Variants in BPTF observed in about 807,000 individuals in gnomAD.
The protein encoded by BPTF is bromodomain PHD finger transcription factor.
Under a neutral mutation model 292.5 loss-of-function variants are expected in BPTF, and 18 were observed. The observed-to-expected ratio is 0.06, with a 90% CI of 0.04 to 0.09. The LOEUF (loss-of-function observed/expected upper bound fraction) is 0.09. Ranked by LOEUF, BPTF falls within the 10% of genes least tolerant of loss-of-function variation. The pLI is 1.00. For synonymous variants in BPTF, 1,225 were observed against 1,251.9 expected (o/e 0.98, Z 0.45); for missense variants, 2,726 against 3,498.7 (o/e 0.78, Z 5.57).
chr17:67,839,156 ATTGC>A (rs1567870151), intron 1 of BPTF, among the ~76,000 whole-genome samples: 191 of 152,208 alleles, frequency 1.3e-3, no homozygotes, highest in African/African-American at 4.5e-3. Flanking sequence ...AAAGAAACAA[ATTGC>A]ATTGTGTACC....
intron 15 of BPTF, among the ~76,000 whole-genome samples, chr17:67,926,992 A>G (rs1005961588): frequency 3.0e-4 from 45 of 151,768 alleles, no homozygotes; most frequent in Non-Finnish European, 4.9e-4. Flanking sequence ...TTTTCTTCTG[A>G]GGAATGAGAA....
intron 26 of BPTF, among the ~76,000 whole-genome samples, chr17:67,968,299 TGA>T: frequency 6.6e-6 from 1 of 151,318 alleles, no homozygotes; most frequent in South Asian, 2.1e-4. Context: ...AAACTATCTC[TGA>T]AAAATAAACG....
intron 14 of BPTF, among the ~76,000 whole-genome samples, chr17:67,923,782 C>T (rs569567103): frequency 2.3e-4 from 35 of 150,530 alleles, no homozygotes; most frequent in African/African-American, 8.5e-4. Flanking sequence ...GCCCGGCCCT[C>T]TCTCTTATTT....
chr17:67,923,058 T>TAC, intron 14 of BPTF, 68 bp downstream of exon 14: 48 of 718,044 alleles, frequency 6.7e-5, no homozygotes, highest in South Asian at 2.0e-4. Flanking sequence ...ATAAATTACT[T>TAC]TTTTTTTTTT....
intron 1 of BPTF, among the ~76,000 whole-genome samples, chr17:67,842,092 C>T (rs1020517030): frequency 3.3e-5 from 5 of 151,962 alleles, no homozygotes; most frequent in African/African-American, 1.2e-4. Flanking sequence ...TCTAGCGCCC[C>T]TCCCTTATGT....
In BPTF at chr17:67,940,571, A is replaced by T. The variant is rs2065284228; in HGVS notation, c.6392A>T (p.Gln2131Leu). The T allele has an allele frequency of 6.2e-7, 1 of 1,614,142 alleles. No homozygotes were observed. Among genetic ancestry groups the T allele is most frequent in the Non-Finnish European group, 8.5e-7 (1 of 1,180,018 alleles). The change falls in exon 19 of 28, where the codon CAG becomes CTG. Residue 2131 changes from glutamine (Q) to leucine (L), a missense_variant. Physicochemically the swap from Gln to Leu is moderately radical, Grantham distance 113 (BLOSUM62 -2). Coordinates refer to ENST00000306378, the MANE Select transcript of BPTF (RefSeq NM_182641.4). The stretch of plus-strand genomic sequence containing the variant: ...TCAGCAACGTCCACTTCAAATATAC[A>T]GTCTTCAGCCTCACAACCCCCTCGC... ...LTSATSTSNI[Q>L]SSASQPPRPQ...
At chr17:67,873,450 C>T (rs1315888245) in intron 3 of BPTF, among the ~76,000 whole-genome samples, 1 of 147,504 alleles carries the variant, frequency 6.8e-6, no homozygotes, top group Non-Finnish European at 1.5e-5. Context: ...AAGAGCAAAA[C>T]TCCATCTCAA....
intron 3 of BPTF, among the ~76,000 whole-genome samples, chr17:67,869,572 A>G (rs2059583683): frequency 6.6e-6 from 1 of 152,194 alleles, no homozygotes; most frequent in African/African-American, 2.4e-5. Flanking sequence ...TTATCATTAA[A>G]AAATAACCAA....
Position 67,912,527 on chromosome 17 carries a change from C to A in BPTF, c.4643C>A (p.Pro1548His). 1 of 1,613,964 alleles carries A rather than the reference C, an allele frequency of 6.2e-7. No individual in the cohort carries two copies. The highest frequency in any genetic ancestry group is 1.3e-5 in the African/African-American group (1 of 75,038). ...GAAGTTAAGAAAGTTACTTCATCAC[C>A]TATTACTTCTGAAGAGGAATCTAAT... ...TSEVKKVTSS[P>H]ITSEEESNLS... Residue 1548 changes from proline to histidine, a missense_variant, in exon 11 of 28, where the codon CCT (proline) becomes CAT (histidine). By Grantham distance (77) the Pro-to-His change is moderately conservative. Coordinates refer to ENST00000306378, the MANE Select transcript of BPTF (RefSeq NM_182641.4).
rs1255246805 is a variant in BPTF, at chr17:67,837,213, CTT to C, written c.613+10880_613+10881del. ...ACTAGTCCTATTGAGAATTCAGGCTCTTTTTGCGTTTACAGACAGTGCTGTCC... is the reference window on the plus strand; with the variant it reads ...ACTAGTCCTATTGAGAATTCAGGCTCTTTGCGTTTACAGACAGTGCTGTCC... On this transcript the variant is annotated intron_variant, in intron 1 of 27. Coordinates refer to ENST00000306378, the MANE Select transcript of BPTF (RefSeq NM_182641.4). Among the ~76,000 whole-genome samples the C allele has an allele frequency of 3.9e-5, 6 of 152,248 alleles. 1 individual carries two copies. The highest frequency in any genetic ancestry group is 1.4e-4 in the African/African-American group (6 of 41,538).
At chr17:67,827,257 T>C (rs1184697724) in intron 1 of BPTF, among the ~76,000 whole-genome samples, 1 of 152,158 alleles carries the variant, frequency 6.6e-6, no homozygotes, top group Non-Finnish European at 1.5e-5. Flanking sequence ...GGCATCAGTA[T>C]CAGATTTATT....
intron 27 of BPTF, chr17:67,981,395 A>C (rs1555696577): frequency 1.1e-6 from 1 of 927,274 alleles, no homozygotes; most frequent in African/African-American, 1.8e-5. Flanking sequence ...CTTTGTTATA[A>C]TTCATCATTT....
At position 67,980,672 on chromosome 17, in the gene BPTF, C is replaced by T. The variant is rs555409613; in HGVS notation, c.8727-1580C>T. On this transcript the variant is annotated intron_variant, in intron 27 of 27. Coordinates refer to ENST00000306378, the MANE Select transcript of BPTF (RefSeq NM_182641.4). ...GGAAATTGCCTGGAGGTCCTGGGGA[C>T]TGTAGGCAAGACAAAGGGAATTGGT... 4.6e-5 allele frequency among the ~76,000 whole-genome samples: 7 copies of T among 152,230 alleles called. No homozygotes were observed. In the South Asian group the frequency reaches 1.0e-3, roughly 23 times the overall value.
chr17:67,892,620 T>C (rs577332444), intron 5 of BPTF, among the ~76,000 whole-genome samples: 1 of 152,040 alleles, frequency 6.6e-6, no homozygotes, highest in Non-Finnish European at 1.5e-5. Context: ...AGGGTAGATA[T>C]GCAAGAATAA....
In BPTF at chr17:67,918,806, A is replaced by G. The variant is rs1464281868; in HGVS notation, c.5396A>G (p.Lys1799Arg). The G allele has an allele frequency of 9.9e-6, 16 of 1,613,642 alleles. No homozygotes were observed. The Admixed American group carries it at 1.3e-4, about 13-fold the overall frequency. Residue 1799 changes from lysine to arginine, a missense_variant, in exon 12 of 28, where the codon AAG becomes AGG. By Grantham distance (26) the Lys-to-Arg change is conservative. Coordinates refer to ENST00000306378, the MANE Select transcript of BPTF (RefSeq NM_182641.4). ...TTGAGATGGGATGATATGGCGGCCA[A>G]GGCTCCTCCAGGAGGAGGGACTACA... Reference protein sequence around the residue: ...ASLRWDDMAAKAPPGGGTTRT... With the variant: ...ASLRWDDMAARAPPGGGTTRT...
At chr17:67,925,056 T>G (rs1278899148) in intron 15 of BPTF, among the ~76,000 whole-genome samples, 1 of 150,506 alleles carries the variant, frequency 6.6e-6, no homozygotes, top group African/African-American at 2.5e-5. Flanking sequence ...TCCAGGTTTT[T>G]TTTTTTTTTT....
rs1599024566 is a variant in BPTF, at chr17:67,973,027, A to G, written c.8540-2745A>G. Among the ~76,000 whole-genome samples the G allele has an allele frequency of 2.1e-5, 3 of 145,316 alleles. No homozygotes were observed. The South Asian group carries it at 6.4e-4, about 31-fold the overall frequency. On this transcript the variant is annotated intron_variant, in intron 26 of 27. Coordinates refer to ENST00000306378, the MANE Select transcript of BPTF (RefSeq NM_182641.4). ...GTAGTGTGTCTGTGTGTGTACTAAA[A>G]TATATATATTTATATATATATATAT... is the stretch of plus-strand genomic sequence containing the variant.
chr17:67,919,214 ATAAT>A (rs1568072237), intron 12 of BPTF, among the ~76,000 whole-genome samples: 7 of 134,078 alleles, frequency 5.2e-5, no homozygotes, highest in African/African-American at 1.7e-4. Context: ...AATAATAATA[ATAAT>A]AAAATATAAT....
At chr17:67,886,405 GTTTTTGT>G in intron 4 of BPTF, 1 of 921,616 alleles carries the variant, frequency 1.1e-6, no homozygotes, top group Non-Finnish European at 1.5e-6. Flanking sequence ...TTTTGCTTTT[GTTTTTGT>G]TTTTTAGTTT....
Sources: allele counts gnomAD v4.1 joint callset (sites outside exome capture counted in the v4.1 genomes callset), GRCh38; gene constraint gnomAD v4.1.1; transcripts MANE v1.5; gene names NCBI Gene and HGNC (gene_info 2026-07-23, HGNC 2026-07-21).